CHD6: variants seen among roughly 807,000 people sequenced by gnomAD.
The protein encoded by CHD6 is chromodomain helicase DNA binding protein 6.
In CHD6, 50 loss-of-function variants were observed where a neutral mutation model predicts 276.9. The observed-to-expected ratio is 0.18, with a 90% CI of 0.14 to 0.23. The LOEUF is 0.23. Among genes scored for constraint, CHD6 ranks in the 10% least tolerant of loss-of-function variants. CHD6 has a pLI of 1.00. For synonymous variants in CHD6, 1,173 were observed against 1,229.3 expected (o/e 0.95, Z 0.96); for missense variants, 2,564 against 3,365.8 (o/e 0.76, Z 5.89).
chr20:41,555,130 C>T lies in CHD6; in HGVS notation c.-23-3770G>A, dbSNP rs561200009. Among the ~76,000 whole-genome samples, 9 of 135,174 alleles carry T rather than the reference C, an allele frequency of 6.7e-5. 1 individual carries two copies. In the South Asian group the frequency reaches 7.2e-4, roughly 11 times the overall value. The allele number at this position is 135,174 out of a possible 152,430, so 88.7% of individuals were successfully genotyped here. On this transcript the variant is annotated intron_variant, in intron 1 of 36. Transcript: ENST00000373233. Reference sequence around the variant, plus strand: ...GGGCTGACCCCCCCACCTCCCTCCCCGACGGGGCGGCTGGCCGGGCAGAGG... The same window carrying T: ...GGGCTGACCCCCCCACCTCCCTCCCTGACGGGGCGGCTGGCCGGGCAGAGG...
chr20:41,463,929 G>A (rs1569106972), intron 17 of CHD6, among the ~76,000 whole-genome samples: 1 of 152,262 alleles, frequency 6.6e-6, no homozygotes, highest in African/African-American at 2.4e-5. Context: ...GGGGACAAGG[G>A]GGTACAATGC....
Position 41,521,523 on chromosome 20 carries a change from T to C in CHD6, c.555-6571A>G, listed in dbSNP as rs569023317. Among the ~76,000 whole-genome samples the C allele has an allele frequency of 2.0e-5, 3 of 152,344 alleles. No individual in the cohort carries two copies. The East Asian group carries it at 5.8e-4, about 29-fold the overall frequency. ...TATAACATGTATGAACACAAGCATG[T>C]ATATGTGCATGTGTATATATACACA... is the stretch of plus-strand genomic sequence containing the variant. On this transcript the variant is annotated intron_variant, in intron 3 of 36. Transcript: ENST00000373233.
At chr20:41,513,805 T>A (rs968339887) in intron 4 of CHD6, among the ~76,000 whole-genome samples, 1 of 152,186 alleles carries the variant, frequency 6.6e-6, no homozygotes, top group Non-Finnish European at 1.5e-5. Flanking sequence ...ACCTCTCTTT[T>A]CTTCTAAAAG....
In CHD6 at chr20:41,415,534, G is replaced by T; in HGVS notation, c.6591C>A (p.Phe2197Leu). 1 of 1,614,168 alleles carries T rather than the reference G, an allele frequency of 6.2e-7. No individual in the cohort carries two copies. The highest frequency in any genetic ancestry group is 8.5e-7 in the Non-Finnish European group (1 of 1,180,036). Reference protein sequence around the residue: ...RDAKARGLEQFSATHGHTPII... With the variant: ...RDAKARGLEQLSATHGHTPII... ...TAGGGGTGTGCCCGTGGGTGGCAGA[G>T]AACTGCTCCAGGCCCCGAGCCTTTG... The change falls in exon 34 of 37, where the codon TTC (phenylalanine) becomes TTA (leucine). Residue 2197 changes from phenylalanine (F) to leucine (L), a missense_variant. Coordinates refer to ENST00000373233, the MANE Select transcript of CHD6 (RefSeq NM_032221.5).
At chr20:41,459,224 C>T (rs1392058068) in intron 17 of CHD6, 1 of 152,230 alleles carries the variant, frequency 6.6e-6, no homozygotes, top group African/African-American at 2.4e-5. Context: ...AAAATGACAC[C>T]AGAATTCCTA....
intron 5 of CHD6, 64 bp downstream of exon 5, chr20:41,512,782 C>T (rs114398326): frequency 8.8e-6 from 14 of 1,582,224 alleles, no homozygotes; most frequent in East Asian, 2.2e-5. Flanking sequence ...CCAAGAAACA[C>T]GTCTGTCATC....
rs1201503671 is a variant in CHD6, at chr20:41,412,182, C to T, written c.7213G>A (p.Glu2405Lys). Residue 2405 changes from glutamate (E) to lysine (K), a missense_variant, in exon 36 of 37, where the codon GAG becomes AAG. This residue lies in a region of CHD6 where 1,024 missense variants were observed against 1,047.9 expected (regional missense o/e 0.98). Coordinates refer to ENST00000373233, the MANE Select transcript of CHD6 (RefSeq NM_032221.5). The stretch of plus-strand genomic sequence containing the variant: ...TCCTTGGGGATGGCAGGAACTCTCT[C>T]TTCCCCGCTCAGGGAGCTGACATCT... Reference protein sequence around the residue: ...KLDVSSLSGEERVPAIPKEPG... With the variant: ...KLDVSSLSGEKRVPAIPKEPG... 1.9e-6 allele frequency: 3 copies of T among 1,614,110 alleles called. No individual in the cohort carries two copies. Among genetic ancestry groups the T allele is most frequent in the Middle Eastern group, 1.6e-4 (1 of 6,084 alleles).
intron 1 of CHD6, among the ~76,000 whole-genome samples, chr20:41,581,106 G>A (rs1339670210): frequency 6.6e-6 from 1 of 152,124 alleles, no homozygotes; most frequent in African/African-American, 2.4e-5. Context: ...ACTTAAAATT[G>A]GATTTGTCTA....
At chr20:41,493,428 TAAA>T (rs2043604463) in intron 10 of CHD6, 107 bp downstream of exon 10, 9 of 1,132,724 alleles carry the variant, frequency 7.9e-6, no homozygotes, top group Non-Finnish European at 1.1e-5. Context: ...GTAACAAAGG[TAAA>T]ATACCACAGA....
intron 2 of CHD6, among the ~76,000 whole-genome samples, chr20:41,541,559 C>T (rs962476178): frequency 1.4e-4 from 22 of 152,194 alleles, no homozygotes; most frequent in Non-Finnish European, 2.6e-4. Flanking sequence ...TCCTGACACA[C>T]ACTAACGTTT....
At chr20:41,608,798 C>T (rs913465667) in intron 1 of CHD6, among the ~76,000 whole-genome samples, 1 of 152,100 alleles carries the variant, frequency 6.6e-6, no homozygotes, top group Non-Finnish European at 1.5e-5. Flanking sequence ...GTGTAAGACC[C>T]GATAACACTT....
At chr20:41,528,839 T>C (rs1338117657) in intron 3 of CHD6, among the ~76,000 whole-genome samples, 1 of 152,190 alleles carries the variant, frequency 6.6e-6, no homozygotes, top group Non-Finnish European at 1.5e-5. Flanking sequence ...AGAACAGACA[T>C]GTTCAATAAT....
chr20:41,471,434 T>C (rs1285929484), intron 17 of CHD6, among the ~76,000 whole-genome samples: 1 of 152,226 alleles, frequency 6.6e-6, no homozygotes, highest in Admixed American at 6.5e-5. Context: ...AGTAGAAAGA[T>C]GGTAAGCTAG....
At chr20:41,517,198 T>G (rs1203936589) in intron 3 of CHD6, among the ~76,000 whole-genome samples, 1 of 152,154 alleles carries the variant, frequency 6.6e-6, no homozygotes, top group Non-Finnish European at 1.5e-5. Flanking sequence ...AAATACTGCA[T>G]GTTCTCACTT....
intron 27 of CHD6, among the ~76,000 whole-genome samples, chr20:41,434,407 G>C (rs893490121): frequency 2.0e-5 from 3 of 152,176 alleles, no homozygotes; most frequent in Non-Finnish European, 2.9e-5. Flanking sequence ...ATCTCGCTCT[G>C]CTGCCCAGGC....
chr20:41,585,928 G>A (rs1249629882), intron 1 of CHD6, among the ~76,000 whole-genome samples: 1 of 152,204 alleles, frequency 6.6e-6, no homozygotes, highest in African/African-American at 2.4e-5. Context: ...CTGGGAAGGG[G>A]ACTGCACCCA....
chr20:41,429,115 G>A (rs535891163), intron 27 of CHD6, among the ~76,000 whole-genome samples: 1 of 152,306 alleles, frequency 6.6e-6, no homozygotes, highest in South Asian at 2.1e-4. Context: ...GCCACCTACG[G>A]TAGGAACTGT....
chr20:41,479,676 C>T (rs2043251926), intron 16 of CHD6, among the ~76,000 whole-genome samples: 1 of 152,054 alleles, frequency 6.6e-6, no homozygotes, highest in Non-Finnish European at 1.5e-5. Context: ...AGACACTGTA[C>T]TTGTGAAATA....
At chr20:41,590,696 A>G (rs2045647964) in intron 1 of CHD6, among the ~76,000 whole-genome samples, 2 of 152,242 alleles carry the variant, frequency 1.3e-5, no homozygotes, top group South Asian at 4.1e-4. Flanking sequence ...CGATCATTAA[A>G]AAGACAGGAA....
Sources: gnomAD v4.1 joint callset for allele counts (sites outside exome capture counted in the v4.1 genomes callset) on GRCh38, gnomAD v4.1.1 for gene constraint, gnomAD v4.1.1 regional missense constraint, MANE v1.5 for transcripts, NCBI Gene and HGNC (gene_info 2026-07-23, HGNC 2026-07-21) for gene names.